The following SLTM variants were observed in gnomAD, a reference collection of about 807,000 sequenced individuals.
SLTM encodes the protein SAFB-like transcription modulator.
SLTM carries 43 observed loss-of-function variants against 134.6 expected under a neutral mutation model. The observed-to-expected ratio is 0.32, with a 90% CI of 0.25 to 0.41. The LOEUF is 0.41. Ranked by LOEUF, SLTM falls within the 10% of genes least tolerant of loss-of-function variation. The probability of loss-of-function intolerance (pLI) is 1.00; values close to 1 mark genes in which losing one functional copy is unlikely to be tolerated. For missense variants in SLTM, 1,055 were observed against 1,288.8 expected (o/e 0.82, Z 2.78); for synonymous variants, 424 against 432.3 (o/e 0.98, Z 0.24).
At chr15:58,932,731 C>T (rs902942614) in intron 1 of SLTM, among the ~76,000 whole-genome samples, 1 of 152,170 alleles carries the variant, frequency 6.6e-6, no homozygotes, top group Non-Finnish European at 1.5e-5. Flanking sequence ...TGTTCTATTG[C>T]AGAAAAGTTG....
chr15:58,909,478 G>A (rs1415980359), intron 5 of SLTM, among the ~76,000 whole-genome samples: 1 of 152,264 alleles, frequency 6.6e-6, no homozygotes, highest in South Asian at 2.1e-4. Flanking sequence ...ATACCACTGG[G>A]TAACCAAATA....
chr15:58,887,004 C>G lies in SLTM; in HGVS notation c.2806G>C (p.Val936Leu). The G allele has an allele frequency of 6.2e-7, 1 of 1,612,844 alleles. No individual in the cohort carries two copies. The highest frequency in any genetic ancestry group is 8.5e-7 in the Non-Finnish European group (1 of 1,180,018). ...GATCCACCTCCTCGGTCTGTGATGACTCCTCTGTCTCCCTCTCTGCTCCCG... is the reference window on the plus strand; with the variant it reads ...GATCCACCTCCTCGGTCTGTGATGAGTCCTCTGTCTCCCTCTCTGCTCCCG... ...GYGSREGDRG[V>L]ITDRGGGSQH... Residue 936 changes from valine to leucine, a missense_variant, in exon 19 of 21, where the codon GTC (valine) becomes CTC (leucine). Physicochemically the swap from Val to Leu is conservative, Grantham distance 32. Coordinates refer to ENST00000380516, the MANE Select transcript of SLTM (RefSeq NM_024755.4).
At chr15:58,892,214 T>C (rs2034701361) in intron 14 of SLTM, among the ~76,000 whole-genome samples, 1 of 152,204 alleles carries the variant, frequency 6.6e-6, no homozygotes, top group South Asian at 2.1e-4. Flanking sequence ...CAAGACTATT[T>C]TAAGTGGCAT....
intron 15 of SLTM, chr15:58,890,063 C>A: frequency 1.7e-6 from 1 of 574,554 alleles, no homozygotes; most frequent in Non-Finnish European, 3.1e-6. Context: ...CATGATATTG[C>A]AGAGCTAGAA....
chr15:58,933,386 G>A lies in SLTM; in HGVS notation c.162+18C>T, dbSNP rs542455539. 9.0e-5 allele frequency: 141 copies of A among 1,569,076 alleles called. 2 individuals are homozygous for A. In the South Asian group the frequency reaches 1.6e-3, roughly 17 times the overall value. On this transcript the variant is annotated intron_variant, in intron 1 of 20. Transcript: ENST00000380516. ...AAGTTCCCCTTCCCGGTCCTTTCCG[G>A]TCCTCGCCGGGCCTCACCTGCTTGA... is the stretch of plus-strand genomic sequence containing the variant.
In SLTM at chr15:58,890,360, A is replaced by T; in HGVS notation, c.2000T>A (p.Leu667Gln). ...RERLQRERER[L>Q]EIERQKLERE... ...CTCTAGTTTTTGCCTTTCAATTTCTAGGCGCTCTCTCTCTCTCTGTAAGCG... is the reference window on the plus strand; with the variant it reads ...CTCTAGTTTTTGCCTTTCAATTTCTTGGCGCTCTCTCTCTCTCTGTAAGCG... The change falls in exon 15 of 21, where the codon CTA (leucine) becomes CAA (glutamine). Residue 667 changes from leucine (L) to glutamine (Q), a missense_variant. Physicochemically the swap from Leu to Gln is moderately radical, Grantham distance 113. This residue lies in a region of SLTM where 776 missense variants were observed against 962.2 expected (regional missense o/e 0.81). Transcript: ENST00000380516. 1 of 1,613,882 alleles carries T rather than the reference A, an allele frequency of 6.2e-7. No homozygotes were observed. Among genetic ancestry groups the T allele is most frequent in the Non-Finnish European group, 8.5e-7 (1 of 1,179,950 alleles).
At chr15:58,895,182 T>A (rs1328922473) in intron 9 of SLTM, among the ~76,000 whole-genome samples, 1 of 152,220 alleles carries the variant, frequency 6.6e-6, no homozygotes, top group Non-Finnish European at 1.5e-5. Flanking sequence ...AGCAAATAAA[T>A]TGGATTTGAA....
intron 15 of SLTM, 144 bp from the exon 16 acceptor site, chr15:58,889,698 T>G (rs1433182307): frequency 7.6e-6 from 7 of 918,742 alleles, no homozygotes. Context: ...CACCTAAATT[T>G]GATTTCAATA....
intron 2 of SLTM, among the ~76,000 whole-genome samples, chr15:58,928,852 G>C (rs1197652212): frequency 6.6e-6 from 1 of 151,818 alleles, no homozygotes. Flanking sequence ...TCCCCTTCTT[G>C]GCACTTTTCG....
intron 2 of SLTM, among the ~76,000 whole-genome samples, chr15:58,922,454 A>G (rs1329995349): frequency 7.1e-6 from 1 of 141,686 alleles, no homozygotes; most frequent in African/African-American, 2.5e-5. Context: ...ATATATATTT[A>G]TATAATATAT....
chr15:58,888,799 A>C, intron 16 of SLTM: 1 of 352,442 alleles, frequency 2.8e-6, no homozygotes. Flanking sequence ...TTTTCCATTA[A>C]ATGGAAAAGA....
At position 58,898,686 on chromosome 15, in the gene SLTM, A is replaced by G. The variant is rs2035266002; in HGVS notation, c.1108+117T>C. 4 of 694,460 alleles carry G rather than the reference A, an allele frequency of 5.8e-6. No individual in the cohort carries two copies. The South Asian group carries it at 6.5e-5, about 11-fold the overall frequency. 43.0% of individuals were successfully genotyped at this position (694,460 alleles called of 1,614,324 possible). On this transcript the variant is annotated intron_variant, in intron 8 of 20. Coordinates refer to ENST00000380516, the MANE Select transcript of SLTM (RefSeq NM_024755.4). ...TATATAAAGACCATCTCAAGTTTCTAGTCTGTCAATAAAATTTTTAAGGAC... is the reference window on the plus strand; with the variant it reads ...TATATAAAGACCATCTCAAGTTTCTGGTCTGTCAATAAAATTTTTAAGGAC...
At chr15:58,900,016 T>C in intron 6 of SLTM, 79 bp from the exon 7 acceptor site, 1 of 1,117,504 alleles carries the variant, frequency 8.9e-7, no homozygotes, top group African/African-American at 1.6e-5. Context: ...GAATAGGACC[T>C]AGAAAATATA....
intron 14 of SLTM, among the ~76,000 whole-genome samples, chr15:58,891,769 C>T (rs1168734001): frequency 2.0e-5 from 3 of 152,072 alleles, no homozygotes; most frequent in African/African-American, 7.2e-5. Flanking sequence ...TATAGTTAAG[C>T]CATTACATTT....
chr15:58,925,381 A>AGG (rs1297105675), intron 2 of SLTM, among the ~76,000 whole-genome samples: 1 of 152,200 alleles, frequency 6.6e-6, no homozygotes, highest in Non-Finnish European at 1.5e-5. Flanking sequence ...TCTATTGCCC[A>AGG]GGCTGGAGTG....
intron 2 of SLTM, chr15:58,921,463 C>T (rs191302323): frequency 7.0e-5 from 16 of 229,740 alleles, no homozygotes; most frequent in Admixed American, 2.0e-4. Flanking sequence ...ATGACGATGA[C>T]GCACAGGCAA....
Position 58,888,564 on chromosome 15 carries a change from G to T in SLTM, c.2205-9C>A. 1 of 1,610,718 alleles carries T rather than the reference G, an allele frequency of 6.2e-7. No individual in the cohort carries two copies. Among genetic ancestry groups the T allele is most frequent in the Non-Finnish European group, 8.5e-7 (1 of 1,179,008 alleles). ...AGTAAGGATCATCTCGCCTTGAAGA[G>T]AAATATTTGCTTATTTACATAAATT... On this transcript the variant is annotated splice_polypyrimidine_tract_variant and intron_variant, in intron 16 of 20. Coordinates refer to ENST00000380516, the MANE Select transcript of SLTM (RefSeq NM_024755.4).
chr15:58,916,322 C>T (rs781418190), intron 3 of SLTM, among the ~76,000 whole-genome samples: 10 of 151,990 alleles, frequency 6.6e-5, no homozygotes, highest in Non-Finnish European at 8.8e-5. Flanking sequence ...TACAGGCATG[C>T]GCCACCACAC....
rs2034803904 is a variant in SLTM, at chr15:58,893,220, A to C, written c.1734+59T>G. The C allele has an allele frequency of 3.4e-6, 5 of 1,489,102 alleles. No individual in the cohort carries two copies. In the East Asian group the frequency reaches 1.1e-4, roughly 34 times the overall value. The allele number at this position is 1,489,102 out of a possible 1,614,324, so 92.2% of individuals were successfully genotyped here. Reference sequence around the variant, plus strand: ...CGCAAAGATGGTTATGGAAAAACAGAATTATCTTCTTTTGTAAACAGCTGA... The same window carrying C: ...CGCAAAGATGGTTATGGAAAAACAGCATTATCTTCTTTTGTAAACAGCTGA... On this transcript the variant is annotated intron_variant, in intron 13 of 20. Transcript: ENST00000380516.
Sources: gnomAD v4.1 joint callset for allele counts (sites outside exome capture counted in the v4.1 genomes callset) on GRCh38, gnomAD v4.1.1 for gene constraint, gnomAD v4.1.1 regional missense constraint, MANE v1.5 for transcripts, NCBI Gene and HGNC (gene_info 2026-07-23, HGNC 2026-07-21) for gene names.